The following TIAM1 variants were observed in gnomAD, a reference collection of about 807,000 sequenced individuals.
The protein encoded by TIAM1 is TIAM Rac1 associated GEF 1.
TIAM1 carries 65 observed loss-of-function variants against 163.5 expected under a neutral mutation model. The observed-to-expected ratio is 0.40, with a 90% CI of 0.33 to 0.49. The LOEUF (loss-of-function observed/expected upper bound fraction) is 0.49, where lower values mean the gene tolerates loss of function less well. TIAM1 is among the 20% of genes least tolerant of loss of function. The pLI is 0.77. For synonymous variants in TIAM1, 833 were observed against 810.1 expected, an observed-to-expected ratio of 1.03 and a Z score of -0.48; for missense variants, 1,789 against 2,044.7, an observed-to-expected ratio of 0.87 and a Z score of 2.41.
At chr21:31,420,143 G>A (rs1265287158) in intron 2 of TIAM1, among the ~76,000 whole-genome samples, 1 of 152,202 alleles carries the variant, frequency 6.6e-6, no homozygotes, top group Non-Finnish European at 1.5e-5. Flanking sequence ...AAAAATATCT[G>A]TCAGGAGAAC....
chr21:31,472,014 G>T (rs2045760340), intron 1 of TIAM1, among the ~76,000 whole-genome samples: 1 of 152,040 alleles, frequency 6.6e-6, no homozygotes, highest in South Asian at 2.1e-4. Flanking sequence ...TTTTCCAGCT[G>T]TGTCAGTGTC....
intron 3 of TIAM1, among the ~76,000 whole-genome samples, chr21:31,271,824 G>A (rs1221834194): frequency 1.3e-5 from 2 of 152,164 alleles, no homozygotes; most frequent in South Asian, 2.1e-4. Flanking sequence ...AGGAGTTCCT[G>A]GGGGAGTGCT....
rs182270633 is a variant in TIAM1, at chr21:31,401,844, G to A, written c.-369+62139C>T. Among the ~76,000 whole-genome samples, 6 of 151,820 alleles carry A rather than the reference G, an allele frequency of 4.0e-5. No individual in the cohort carries two copies. In the East Asian group the frequency reaches 7.8e-4, roughly 20 times the overall value. ...GAGGATTGCTTGAACCCAGAAGTTC[G>A]AGGTTGCAGTTAGCTAGAACCGCAC... On this transcript the variant is annotated intron_variant, in intron 2 of 28. Coordinates refer to the TIAM1 transcript ENST00000286827.
intron 2 of TIAM1, among the ~76,000 whole-genome samples, chr21:31,430,231 T>TACACAC (rs1415864666): frequency 2.6e-5 from 3 of 117,126 alleles, no homozygotes; most frequent in African/African-American, 9.2e-5. Context: ...AAAAAATATA[T>TACACAC]ATATATATAT....
intron 19 of TIAM1, among the ~76,000 whole-genome samples, chr21:31,147,733 TATATA>T (rs1459704369): frequency 7.0e-6 from 1 of 143,354 alleles, no homozygotes; most frequent in Non-Finnish European, 1.5e-5. Flanking sequence ...AAATATATAA[TATATA>T]AAAATATATA....
intron 2 of TIAM1, among the ~76,000 whole-genome samples, chr21:31,297,380 T>C (rs765947590): frequency 6.6e-6 from 1 of 152,180 alleles, no homozygotes; most frequent in South Asian, 2.1e-4. Flanking sequence ...ATGGTGGTGA[T>C]GGCCACATAA....
intron 2 of TIAM1, among the ~76,000 whole-genome samples, chr21:31,332,107 G>C (rs2075694622): frequency 6.6e-6 from 1 of 151,358 alleles, no homozygotes; most frequent in Admixed American, 6.6e-5. Context: ...TTTTTCTTTA[G>C]TTTTCATTTT....
chr21:31,264,473 T>C (rs952983969), intron 4 of TIAM1, among the ~76,000 whole-genome samples: 1 of 152,226 alleles, frequency 6.6e-6, no homozygotes, highest in African/African-American at 2.4e-5. Flanking sequence ...TATTATTTCA[T>C]TCTACTTTCT....
chr21:31,485,767 G>A (rs1409729004), intron 1 of TIAM1, among the ~76,000 whole-genome samples: 1 of 152,110 alleles, frequency 6.6e-6, no homozygotes, highest in African/African-American at 2.4e-5. Context: ...GCCAACCACG[G>A]CCAGATACTG....
At chr21:31,509,315 A>G (rs2047134551) in intron 1 of TIAM1, among the ~76,000 whole-genome samples, 1 of 152,146 alleles carries the variant, frequency 6.6e-6, no homozygotes, top group South Asian at 2.1e-4. Flanking sequence ...AGCCTCCTGA[A>G]TATGACATGG....
chr21:31,430,341 C>A (rs1200835588), intron 2 of TIAM1, among the ~76,000 whole-genome samples: 1 of 149,558 alleles, frequency 6.7e-6, no homozygotes, highest in African/African-American at 2.5e-5. Context: ...CTCACCGAAC[C>A]CAAACTGATA....
At chr21:31,447,533 T>C (rs545564059) in intron 2 of TIAM1, among the ~76,000 whole-genome samples, 11 of 152,182 alleles carry the variant, frequency 7.2e-5, no homozygotes, top group Admixed American at 5.2e-4. Context: ...TGAAGATCAA[T>C]AAATTAGAAT....
chr21:31,446,260 T>C (rs536013742), intron 2 of TIAM1, among the ~76,000 whole-genome samples: 2 of 152,302 alleles, frequency 1.3e-5, no homozygotes, highest in East Asian at 3.9e-4. Context: ...GTTTTTTAAC[T>C]TACCCTACCA....
At chr21:31,530,520 G>A (rs2047936288) in intron 1 of TIAM1, among the ~76,000 whole-genome samples, 1 of 152,256 alleles carries the variant, frequency 6.6e-6, no homozygotes, top group Non-Finnish European at 1.5e-5. Flanking sequence ...AAGCATATTT[G>A]TGTGGCTATG....
chr21:31,506,116 C>G (rs1256571674), intron 1 of TIAM1, among the ~76,000 whole-genome samples: 1 of 151,786 alleles, frequency 6.6e-6, no homozygotes, highest in African/African-American at 2.4e-5. Flanking sequence ...AACCCAGGCA[C>G]TGATGGCTGC....
At chr21:31,276,313 A>G (rs796722283) in intron 3 of TIAM1, among the ~76,000 whole-genome samples, 61 of 152,336 alleles carry the variant, frequency 4.0e-4, no homozygotes, top group African/African-American at 1.4e-3. Flanking sequence ...ATGATCTTTG[A>G]TTTTGAAAAG....
intron 16 of TIAM1, among the ~76,000 whole-genome samples, chr21:31,157,496 AT>A (rs1203569793): frequency 6.6e-6 from 1 of 152,160 alleles, no homozygotes; most frequent in Non-Finnish European, 1.5e-5. Context: ...GTATTCACTT[AT>A]TCACTCATTT....
At chr21:31,497,898 C>T (rs1382769867) in intron 1 of TIAM1, among the ~76,000 whole-genome samples, 1 of 152,166 alleles carries the variant, frequency 6.6e-6, no homozygotes, top group Non-Finnish European at 1.5e-5. Flanking sequence ...AAGTTTCAGC[C>T]TAAATTGGAC....
chr21:31,356,351 T>C (rs2147126168), intron 2 of TIAM1, among the ~76,000 whole-genome samples: 1 of 152,324 alleles, frequency 6.6e-6, no homozygotes, highest in East Asian at 1.9e-4. Flanking sequence ...TATGCCATCA[T>C]TGTCATGCAT....
Sources: gnomAD v4.1 joint callset for allele counts (sites outside exome capture counted in the v4.1 genomes callset) on GRCh38, gnomAD v4.1.1 for gene constraint, MANE v1.5 for transcripts, NCBI Gene and HGNC (gene_info 2026-07-23, HGNC 2026-07-21) for gene names.